The following LAMB1 variants were observed in gnomAD, a reference collection of about 807,000 sequenced individuals.
LAMB1 encodes the protein laminin subunit beta 1, also known as laminin subunit beta-1.
In LAMB1, 121 loss-of-function variants were observed where a neutral mutation model predicts 222.3. The ratio of observed to expected loss-of-function variants is 0.54; its 90% CI spans 0.47 to 0.63. The LOEUF (loss-of-function observed/expected upper bound fraction) is 0.63. LAMB1 is among the 30% of genes least tolerant of loss of function. LAMB1 has a pLI of 0.00. For synonymous variants in LAMB1, 794 were observed against 807.2 expected (o/e 0.98, Z 0.28); for missense variants, 2,172 against 2,240.8 (o/e 0.97, Z 0.62).
At position 107,939,991 on chromosome 7, in the gene LAMB1, T is replaced by C. The variant is rs751763891; in HGVS notation, c.3759A>G (p.Ala1253=). 26 of 1,612,642 alleles carry C rather than the reference T, an allele frequency of 1.6e-5. No homozygotes were observed. Among genetic ancestry groups the C allele is most frequent in the African/African-American group, 4.0e-5 (3 of 74,912 alleles). The change falls in exon 25 of 34, where the codon GCA becomes GCG. Residue 1253 remains alanine, a splice_region_variant and synonymous_variant. Coordinates refer to ENST00000222399, the MANE Select transcript of LAMB1 (RefSeq NM_002291.3). ...LKNIGNLFEE[A]EKLIKDVTEM... is the part of the protein sequence containing the mutation. Reference sequence around the variant, plus strand: ...CCTCTGGCTCATTAACTACTTACTCTGCTTCCTCAAAGAGATTCCCAATGT... The same window carrying C: ...CCTCTGGCTCATTAACTACTTACTCCGCTTCCTCAAAGAGATTCCCAATGT...
At chr7:107,955,108 CT>C (rs2033346982) in intron 21 of LAMB1, among the ~76,000 whole-genome samples, 1 of 152,158 alleles carries the variant, frequency 6.6e-6, no homozygotes, top group African/African-American at 2.4e-5. Context: ...CTTCTGACTA[CT>C]ATTTGGTAAC....
intron 24 of LAMB1, among the ~76,000 whole-genome samples, chr7:107,947,946 C>CA (rs2033153390): frequency 6.6e-6 from 1 of 150,824 alleles, no homozygotes; most frequent in African/African-American, 2.4e-5. Context: ...TTTAACACCC[C>CA]AAATAAAGAT....
chr7:107,947,302 T>C (rs913988017), intron 24 of LAMB1, among the ~76,000 whole-genome samples: 3 of 152,274 alleles, frequency 2.0e-5, no homozygotes, highest in Admixed American at 1.3e-4. Flanking sequence ...TCTATAAGCA[T>C]ATTGTTAGCT....
intron 5 of LAMB1, 87 bp downstream of exon 5, chr7:107,994,800 G>T: frequency 2.8e-6 from 2 of 708,654 alleles, no homozygotes; most frequent in South Asian, 2.1e-5. Flanking sequence ...TCCCATTTAG[G>T]TCAACTCACA....
At chr7:107,973,879 C>T (rs558655059) in intron 12 of LAMB1, among the ~76,000 whole-genome samples, 3 of 152,268 alleles carry the variant, frequency 2.0e-5, no homozygotes, top group African/African-American at 7.2e-5. Flanking sequence ...GAACTCCTGA[C>T]AAGTGATCCA....
At position 107,961,246 on chromosome 7, in the gene LAMB1, G is replaced by A. The variant is rs1170055443; in HGVS notation, c.2069C>T (p.Ser690Phe). ...VRLELPQYTS[S>F]DSDVESPYTL... is the part of the protein sequence containing the mutation. ...GTAGGGGCTCTCCACGTCGCTATCA[G>A]AGGAGGTGTACTGAGGCAGCTCCAA... is the stretch of plus-strand genomic sequence containing the variant. The change falls in exon 17 of 34, where the codon TCT (serine) becomes TTT (phenylalanine). Residue 690 changes from serine to phenylalanine, a missense_variant. Transcript: ENST00000222399. The A allele has an allele frequency of 1.9e-6, 3 of 1,613,950 alleles. No homozygotes were observed. The highest frequency in any genetic ancestry group is 2.7e-5 in the African/African-American group (2 of 74,872).
intron 21 of LAMB1, among the ~76,000 whole-genome samples, 157 bp from the exon 22 acceptor site, chr7:107,953,911 G>A (rs776650144): frequency 6.6e-6 from 1 of 152,218 alleles, no homozygotes; most frequent in Admixed American, 6.5e-5. Context: ...GAAGGGGAAA[G>A]AATAGGCTTT....
rs2034320321 is a variant in LAMB1, at chr7:107,998,432, C to G, written c.274G>C (p.Asp92His). ...ACCACATTTTCAATGAGATGGCTGT[C>G]AGGATTCAGGGTCTCATGATAAGGA... ...QDPYHETLNP[D>H]SHLIENVVTT... Residue 92 changes from aspartate (D) to histidine (H), a missense_variant, in exon 4 of 34, where the codon GAC becomes CAC. Coordinates refer to ENST00000222399, the MANE Select transcript of LAMB1 (RefSeq NM_002291.3). The G allele has an allele frequency of 6.2e-7, 1 of 1,613,912 alleles. No individual in the cohort carries two copies. The highest frequency in any genetic ancestry group is 2.2e-5 in the East Asian group (1 of 44,872).
intron 2 of LAMB1, chr7:108,002,134 C>T: frequency 1.4e-6 from 2 of 1,460,390 alleles, no homozygotes; most frequent in Non-Finnish European, 1.8e-6. Flanking sequence ...CACCCACGCA[C>T]GTGAACCCGC....
chr7:107,978,805 C>T (rs2033919365), intron 8 of LAMB1, among the ~76,000 whole-genome samples: 1 of 152,036 alleles, frequency 6.6e-6, no homozygotes, highest in Admixed American at 6.5e-5. Flanking sequence ...ATGAAAGGCC[C>T]ATGATATATG....
intron 27 of LAMB1, among the ~76,000 whole-genome samples, chr7:107,932,929 A>G (rs2032748002): frequency 6.6e-6 from 1 of 152,248 alleles, no homozygotes; most frequent in Non-Finnish European, 1.5e-5. Context: ...GACAAAGGAG[A>G]GACTGCAGAG....
At chr7:107,942,001 CT>C (rs201034516) in intron 24 of LAMB1, 2,121 of 142,428 alleles carry the variant, frequency 0.015, 28 homozygotes, top group African/African-American at 0.035. Context: ...CTCTGAAAAA[CT>C]TTTTTTTTTT....
intron 24 of LAMB1, among the ~76,000 whole-genome samples, chr7:107,946,032 T>TG (rs2033107925): frequency 6.6e-6 from 1 of 152,192 alleles, no homozygotes. Context: ...TCTATACCAT[T>TG]GGTCACTCAG....
Position 107,946,563 on chromosome 7 carries a change from C to T in LAMB1, c.3391+4663G>A, listed in dbSNP as rs569293118. 9.4e-4 allele frequency among the ~76,000 whole-genome samples: 144 copies of T among 152,390 alleles called. 1 individual carries two copies. The highest frequency in any genetic ancestry group is 3.3e-3 in the African/African-American group (136 of 41,596). On this transcript the variant is annotated intron_variant, in intron 24 of 33. Transcript: ENST00000222399. ...GTGTAAAACTTATATTAGCTACTAT[C>T]GGCAGGGGGCTGGATTTGGCCTCTG...
intron 8 of LAMB1, among the ~76,000 whole-genome samples, chr7:107,979,812 G>A (rs1231559875): frequency 1.3e-5 from 2 of 152,218 alleles, no homozygotes; most frequent in African/African-American, 4.8e-5. Flanking sequence ...ATTGGCTCAC[G>A]CCTGTAATTC....
intron 32 of LAMB1, among the ~76,000 whole-genome samples, chr7:107,924,785 G>C (rs889452645): frequency 4.5e-4 from 68 of 152,148 alleles, no homozygotes; most frequent in African/African-American, 1.6e-3. Flanking sequence ...GATTTGTGAA[G>C]ACTTGCTTAT....
At chr7:107,958,302 G>C (rs1355522330) in intron 20 of LAMB1, among the ~76,000 whole-genome samples, 1 of 152,054 alleles carries the variant, frequency 6.6e-6, no homozygotes, top group Non-Finnish European at 1.5e-5. Context: ...TTATTCAAAG[G>C]GTAGTCCGTG....
chr7:107,959,037 C>A (rs1242164247), intron 20 of LAMB1, among the ~76,000 whole-genome samples: 1 of 152,130 alleles, frequency 6.6e-6, no homozygotes, highest in Admixed American at 6.5e-5. Flanking sequence ...TTGTTCTCTG[C>A]GGTATCTCCA....
At chr7:107,929,786 A>G in intron 29 of LAMB1, 167 bp from the exon 30 acceptor site, 1 of 574,164 alleles carries the variant, frequency 1.7e-6, no homozygotes, top group Non-Finnish European at 3.1e-6. Flanking sequence ...TTGAGGGGAG[A>G]TGAGACCTAC....
Sources: allele counts gnomAD v4.1 joint callset (sites outside exome capture counted in the v4.1 genomes callset), GRCh38; gene constraint gnomAD v4.1.1; transcripts MANE v1.5; gene names NCBI Gene and HGNC (gene_info 2026-07-23, HGNC 2026-07-21).